Variants in CSGALNACT1 observed in about 807,000 individuals in gnomAD.
The protein encoded by CSGALNACT1 is beta4GalNAcT-1.
A neutral mutation model predicts 51.0 loss-of-function variants in CSGALNACT1; 52 were observed. That is an observed-to-expected ratio of 1.02 (90% CI 0.82 to 1.29). The LOEUF is 1.29. Ranked by LOEUF, CSGALNACT1 falls within the 50% of genes most tolerant of loss-of-function variation. The pLI is 0.00. For missense variants in CSGALNACT1, 935 were observed against 679.2 expected (o/e 1.38, Z -4.19); for synonymous variants, 341 against 254.4 (o/e 1.34, Z -3.24).
At chr8:19,641,472 G>C (rs761770185) in intron 1 of CSGALNACT1, among the ~76,000 whole-genome samples, 15 of 152,154 alleles carry the variant, frequency 9.9e-5, no homozygotes, top group Admixed American at 3.9e-4. Flanking sequence ...TTTTTATCTG[G>C]ACAGCTGCAA....
intron 1 of CSGALNACT1, among the ~76,000 whole-genome samples, chr8:19,737,555 T>A (rs1269569397): frequency 6.9e-6 from 1 of 145,648 alleles, no homozygotes; most frequent in African/African-American, 2.5e-5. Flanking sequence ...GGAAAAACAA[T>A]AGAATGTGTA....
chr8:19,720,459 T>G (rs1313792681), intron 1 of CSGALNACT1, among the ~76,000 whole-genome samples: 1 of 152,054 alleles, frequency 6.6e-6, no homozygotes, highest in African/African-American at 2.4e-5. Context: ...TAAAAGCATT[T>G]AAATTGGGCC....
At chr8:19,536,686 A>G (rs771602413) in intron 3 of CSGALNACT1, among the ~76,000 whole-genome samples, 1 of 152,218 alleles carries the variant, frequency 6.6e-6, no homozygotes, top group Non-Finnish European at 1.5e-5. Flanking sequence ...TAAGAAAGCA[A>G]AAGAGCTAGA....
chr8:19,495,141 A>G (rs894578711), intron 4 of CSGALNACT1: 1 of 152,142 alleles, frequency 6.6e-6, no homozygotes, highest in Non-Finnish European at 1.5e-5. Context: ...CCTAGACCCT[A>G]TCTCTTGCTT....
intron 1 of CSGALNACT1, among the ~76,000 whole-genome samples, chr8:19,666,987 G>GAAAGAAAGAAAGAAAGA (rs1564385468): frequency 4.0e-5 from 1 of 24,898 alleles, no homozygotes; most frequent in Non-Finnish European, 7.0e-5. Flanking sequence ...AAGAAAGAAA[G>GAAAGAAAGAAAGAAAGA]AAAGAAAGAA....
chr8:19,722,689 A>T (rs1354407713), intron 1 of CSGALNACT1, among the ~76,000 whole-genome samples: 1 of 152,164 alleles, frequency 6.6e-6, no homozygotes, highest in Non-Finnish European at 1.5e-5. Flanking sequence ...ATGGATGGGC[A>T]CTGGCCTTGC....
rs556250387 is a variant in CSGALNACT1, at chr8:19,544,767, T to A, written c.-296-38637A>T. Among the ~76,000 whole-genome samples, 125 of 152,316 alleles carry A rather than the reference T, an allele frequency of 8.2e-4. 1 individual carries two copies. The highest frequency in any genetic ancestry group is 1.6e-3 in the Non-Finnish European group (107 of 68,018). ...GTTTAAATGATTCTTTTGTACAGTT[T>A]TAACTGCATAATTGGTCCAATTTTC... On this transcript the variant is annotated intron_variant, in intron 3 of 9. Transcript: ENST00000454498.
chr8:19,523,245 A>G (rs2081069599), intron 3 of CSGALNACT1, among the ~76,000 whole-genome samples: 1 of 152,106 alleles, frequency 6.6e-6, no homozygotes, highest in African/African-American at 2.4e-5. Context: ...GTTCCTCAAC[A>G]GCATTATCAC....
intron 4 of CSGALNACT1, among the ~76,000 whole-genome samples, chr8:19,501,222 G>A (rs2076358285): frequency 7.5e-6 from 1 of 132,646 alleles, no homozygotes; most frequent in Non-Finnish European, 1.5e-5. Context: ...CCTGCAGCCT[G>A]TGTGACAAAG....
At chr8:19,631,597 G>A (rs2055268323) in intron 1 of CSGALNACT1, among the ~76,000 whole-genome samples, 1 of 152,182 alleles carries the variant, frequency 6.6e-6, no homozygotes, top group African/African-American at 2.4e-5. Context: ...TGAAGGAAAG[G>A]CTGATATTAC....
At chr8:19,477,063 T>G (rs925641188) in intron 4 of CSGALNACT1, among the ~76,000 whole-genome samples, 11 of 152,208 alleles carry the variant, frequency 7.2e-5, no homozygotes, top group African/African-American at 2.7e-4. Flanking sequence ...CAGCAATAAC[T>G]GGAACACATG....
chr8:19,610,613 A>G (rs1038517866), intron 1 of CSGALNACT1, among the ~76,000 whole-genome samples: 1 of 152,110 alleles, frequency 6.6e-6, no homozygotes, highest in African/African-American at 2.4e-5. Context: ...GCAGAAGGAG[A>G]ACAATGCAGA....
At chr8:19,454,113 G>C (rs1339639877) in intron 5 of CSGALNACT1, among the ~76,000 whole-genome samples, 2 of 152,238 alleles carry the variant, frequency 1.3e-5, no homozygotes, top group East Asian at 3.8e-4. Context: ...ACAAAGTCCT[G>C]AGGAATGACA....
chr8:19,515,096 C>A (rs897048363), intron 3 of CSGALNACT1, among the ~76,000 whole-genome samples: 1 of 152,080 alleles, frequency 6.6e-6, no homozygotes, highest in Non-Finnish European at 1.5e-5. Flanking sequence ...ATCCCCCATT[C>A]CTTCGGGAAC....
At chr8:19,636,562 T>C (rs1006327236) in intron 1 of CSGALNACT1, among the ~76,000 whole-genome samples, 3 of 152,186 alleles carry the variant, frequency 2.0e-5, no homozygotes, top group Non-Finnish European at 4.4e-5. Flanking sequence ...TGAAAAGTGT[T>C]GACAAGTCCC....
intron 1 of CSGALNACT1, among the ~76,000 whole-genome samples, chr8:19,706,718 G>T (rs548601546): frequency 6.6e-6 from 1 of 152,062 alleles, no homozygotes; most frequent in Non-Finnish European, 1.5e-5. Flanking sequence ...GGGCACTCCC[G>T]GCTCAAGCAA....
chr8:19,667,027 G>GAAA (rs2059398048), intron 1 of CSGALNACT1, among the ~76,000 whole-genome samples: 8 of 32,256 alleles, frequency 2.5e-4, no homozygotes, highest in East Asian at 1.4e-3. Context: ...AAGGAAGGAA[G>GAAA]GAAGGAAGGA....
chr8:19,712,117 C>A (rs1793307583), intron 1 of CSGALNACT1, among the ~76,000 whole-genome samples: 1 of 152,166 alleles, frequency 6.6e-6, no homozygotes, highest in South Asian at 2.1e-4. Context: ...GCTCCGCCTC[C>A]CAGGTTCACG....
At chr8:19,698,270 CT>C (rs774612998) in intron 1 of CSGALNACT1, among the ~76,000 whole-genome samples, 10 of 152,244 alleles carry the variant, frequency 6.6e-5, no homozygotes, top group Non-Finnish European at 1.3e-4. Flanking sequence ...AACCAACGCT[CT>C]TTCCATCATA....
Sources: gnomAD v4.1 joint callset for allele counts (sites outside exome capture counted in the v4.1 genomes callset) on GRCh38, gnomAD v4.1.1 for gene constraint, MANE v1.5 for transcripts, NCBI Gene and HGNC (gene_info 2026-07-23, HGNC 2026-07-21) for gene names.